The following ACVR2A variants were observed in gnomAD, a reference collection of about 807,000 sequenced individuals.
ACVR2A encodes the protein activin A receptor type 2A.
A neutral mutation model predicts 61.4 loss-of-function variants in ACVR2A; 7 were observed. The ratio of observed to expected loss-of-function variants is 0.11; its 90% CI spans 0.06 to 0.21. ACVR2A has a LOEUF of 0.21. Ranked by LOEUF, ACVR2A falls within the 10% of genes least tolerant of loss-of-function variation. The pLI, the probability that ACVR2A is intolerant of heterozygous loss-of-function variation, is 1.00. For missense variants in ACVR2A, 322 were observed against 621.7 expected (o/e 0.52, Z 5.13); for synonymous variants, 193 against 208.3 (o/e 0.93, Z 0.63).
intron 4 of ACVR2A, among the ~76,000 whole-genome samples, chr2:147,903,377 A>G (rs987700880): frequency 6.6e-6 from 1 of 151,520 alleles, no homozygotes; most frequent in Non-Finnish European, 1.5e-5. Context: ...AGTCCTGTTC[A>G]TTCACCTTTT....
chr2:147,887,829 A>G (rs1302781504), intron 1 of ACVR2A, among the ~76,000 whole-genome samples: 3 of 152,160 alleles, frequency 2.0e-5, no homozygotes, highest in Non-Finnish European at 4.4e-5. Context: ...ATATAAAACA[A>G]TTACATTGGA....
At chr2:147,867,951 C>A (rs1685907313) in intron 1 of ACVR2A, among the ~76,000 whole-genome samples, 1 of 152,222 alleles carries the variant, frequency 6.6e-6, no homozygotes, top group Non-Finnish European at 1.5e-5. Flanking sequence ...ACACCTCTAT[C>A]TCACCTCTTC....
chr2:147,913,583 G>T (rs571138044), intron 4 of ACVR2A, among the ~76,000 whole-genome samples: 5 of 151,528 alleles, frequency 3.3e-5, no homozygotes, highest in Non-Finnish European at 7.4e-5. Flanking sequence ...ATTCATATAA[G>T]CAGTCTGCTC....
At chr2:147,882,992 C>T (rs1362976154) in intron 1 of ACVR2A, among the ~76,000 whole-genome samples, 1 of 151,996 alleles carries the variant, frequency 6.6e-6, no homozygotes, top group African/African-American at 2.4e-5. Context: ...CTTCATATAT[C>T]TAACTTGTCT....
At chr2:147,912,613 G>T (rs1687145460) in intron 4 of ACVR2A, among the ~76,000 whole-genome samples, 1 of 151,778 alleles carries the variant, frequency 6.6e-6, no homozygotes, top group Non-Finnish European at 1.5e-5. Flanking sequence ...TTACTATAAT[G>T]ATGCCAATTA....
intron 1 of ACVR2A, among the ~76,000 whole-genome samples, chr2:147,884,610 A>G (rs1686385039): frequency 6.6e-6 from 1 of 152,172 alleles, no homozygotes; most frequent in Non-Finnish European, 1.5e-5. Context: ...AAGATAAAAC[A>G]TTTAGAAACA....
At chr2:147,864,550 T>C (rs1685807103) in intron 1 of ACVR2A, among the ~76,000 whole-genome samples, 6 of 152,036 alleles carry the variant, frequency 3.9e-5, no homozygotes, top group Admixed American at 3.9e-4. Flanking sequence ...ACTTTTAAAG[T>C]ATCAATTAGC....
chr2:147,863,082 A>G (rs1685766451), intron 1 of ACVR2A, among the ~76,000 whole-genome samples: 1 of 152,202 alleles, frequency 6.6e-6, no homozygotes, highest in South Asian at 2.1e-4. Context: ...TATGTAATTA[A>G]GTAAGTAGCA....
chr2:147,927,338 A>G lies in ACVR2A; in HGVS notation c.*64A>G, dbSNP rs1168441643. 2.8e-6 allele frequency: 4 copies of G among 1,436,316 alleles called. No individual in the cohort carries two copies. In the African/African-American group the frequency reaches 5.8e-5, roughly 21 times the overall value. 89.0% of individuals were successfully genotyped at this position (1,436,316 alleles called of 1,614,324 possible). A position where few individuals can be genotyped will look rare whatever the true frequency, so the allele number is the denominator to read the frequency against. ...GAACTGGAGCTGCTAAGCTAAAGAAACTGCTTACAGTTTATTTTCTGTGTA... is the reference window on the plus strand; with the variant it reads ...GAACTGGAGCTGCTAAGCTAAAGAAGCTGCTTACAGTTTATTTTCTGTGTA... On this transcript the variant is annotated 3_prime_UTR_variant, in exon 11 of 11. Transcript: ENST00000241416.
intron 4 of ACVR2A, among the ~76,000 whole-genome samples, chr2:147,901,298 G>A (rs1208215729): frequency 6.6e-6 from 1 of 151,894 alleles, no homozygotes; most frequent in Non-Finnish European, 1.5e-5. Context: ...TCTGTGATAT[G>A]CTAGGAACAA....
chr2:147,878,678 G>A (rs1000016806), intron 1 of ACVR2A, among the ~76,000 whole-genome samples: 5 of 152,052 alleles, frequency 3.3e-5, no homozygotes, highest in Admixed American at 6.6e-5. Flanking sequence ...GGAGGCCGAG[G>A]TTGGTGGATT....
intron 1 of ACVR2A, among the ~76,000 whole-genome samples, chr2:147,892,732 A>G (rs1473182222): frequency 6.6e-6 from 1 of 151,814 alleles, no homozygotes; most frequent in East Asian, 1.9e-4. Context: ...TTTTTGTGAT[A>G]TGTTATTTTG....
chr2:147,856,223 T>G (rs889430832), intron 1 of ACVR2A, among the ~76,000 whole-genome samples: 1 of 152,154 alleles, frequency 6.6e-6, no homozygotes, highest in African/African-American at 2.4e-5. Flanking sequence ...AATAAGCTCT[T>G]TATTATGGCA....
intron 1 of ACVR2A, among the ~76,000 whole-genome samples, chr2:147,895,966 G>A (rs543616449): frequency 1.6e-4 from 24 of 152,182 alleles, no homozygotes; most frequent in African/African-American, 5.5e-4. Flanking sequence ...TGTTTGCTTA[G>A]TTTTTGTCCC....
intron 1 of ACVR2A, among the ~76,000 whole-genome samples, chr2:147,874,384 G>C (rs1686103315): frequency 6.6e-6 from 1 of 151,838 alleles, no homozygotes; most frequent in Admixed American, 6.6e-5. Context: ...CTTAGTTTGG[G>C]ATGTCCAGAG....
At chr2:147,872,765 TTTC>T (rs1466739187) in intron 1 of ACVR2A, among the ~76,000 whole-genome samples, 1 of 151,888 alleles carries the variant, frequency 6.6e-6, no homozygotes, top group Non-Finnish European at 1.5e-5. Context: ...TATACTTGTC[TTTC>T]TATAGTTTCC....
chr2:147,922,756 G>A (rs1224217869), intron 8 of ACVR2A, among the ~76,000 whole-genome samples: 3 of 152,034 alleles, frequency 2.0e-5, no homozygotes, highest in Non-Finnish European at 4.4e-5. Flanking sequence ...ATTACATCCA[G>A]AAAGGGGAAC....
chr2:147,884,142 A>C (rs1686375568), intron 1 of ACVR2A, among the ~76,000 whole-genome samples: 1 of 152,114 alleles, frequency 6.6e-6, no homozygotes, highest in Non-Finnish European at 1.5e-5. Context: ...TATTCTTCTA[A>C]ATTTATGCCC....
Position 147,929,363 on chromosome 2 carries a change from C to CTT in ACVR2A, c.*2091_*2092dup, listed in dbSNP as rs549948757. The CTT allele has an allele frequency of 1.4e-5, 2 of 139,916 alleles. No homozygotes were observed. Among genetic ancestry groups the CTT allele is most frequent in the South Asian group, 2.3e-4 (1 of 4,428 alleles). The allele number at this position is 139,916 out of a possible 1,614,324, so 8.7% of individuals were successfully genotyped here. A position where few individuals can be genotyped will look rare whatever the true frequency, so the allele number is the denominator to read the frequency against. ...ATTTCTACCTGTTGTGAACATTTAA[C>CTT]TTTCTTTTTAAAAGTTAAACAAAAA... On this transcript the variant is annotated 3_prime_UTR_variant, in exon 11 of 11. Transcript: ENST00000241416.
Sources: allele counts gnomAD v4.1 joint callset (sites outside exome capture counted in the v4.1 genomes callset), GRCh38; gene constraint gnomAD v4.1.1; transcripts MANE v1.5; gene names NCBI Gene and HGNC (gene_info 2026-07-23, HGNC 2026-07-21).